HECW2: variants seen among roughly 807,000 people sequenced by gnomAD.
HECW2 encodes the protein E3 ubiquitin-protein ligase HECW2.
Under a neutral mutation model 175.2 loss-of-function variants are expected in HECW2, and 61 were observed. The ratio of observed to expected loss-of-function variants is 0.35; its 90% CI spans 0.28 to 0.43. HECW2 has a LOEUF of 0.43. HECW2 is among the 20% of genes least tolerant of loss of function. The pLI is 1.00. For synonymous variants in HECW2, 671 were observed against 731.0 expected (o/e 0.92, Z 1.32); for missense variants, 1,524 against 2,000.5 (o/e 0.76, Z 4.54).
At chr2:196,221,129 G>A (rs926996996) in intron 24 of HECW2, among the ~76,000 whole-genome samples, 188 bp from the exon 25 acceptor site, 5 of 152,154 alleles carry the variant, frequency 3.3e-5, no homozygotes, top group African/African-American at 1.2e-4. Context: ...GGCATTGAGG[G>A]GGTGCTTGAA....
At chr2:196,592,789 C>T (rs1387847293) in intron 1 of HECW2, 2 of 151,676 alleles carry the variant, frequency 1.3e-5, no homozygotes. Flanking sequence ...TTGCGCCCGT[C>T]GCCACAAGCT....
intron 1 of HECW2, among the ~76,000 whole-genome samples, chr2:196,456,090 G>A (rs1399220838): frequency 6.6e-6 from 1 of 151,978 alleles, no homozygotes; most frequent in Non-Finnish European, 1.5e-5. Context: ...AGATATGAAG[G>A]TCTTTAATAT....
At chr2:196,469,795 T>G (rs149660710) in intron 1 of HECW2, among the ~76,000 whole-genome samples, 69 of 151,646 alleles carry the variant, frequency 4.6e-4, no homozygotes, top group African/African-American at 1.6e-3. Flanking sequence ...GAAGTATATA[T>G]AGTATGAAGA....
intron 14 of HECW2, chr2:196,290,058 T>C (rs1454639202): frequency 6.6e-6 from 1 of 152,212 alleles, no homozygotes; most frequent in Non-Finnish European, 1.5e-5. Context: ...TAATCTGTCT[T>C]GTCCACAAGG....
intron 21 of HECW2, among the ~76,000 whole-genome samples, chr2:196,237,851 C>T (rs779789584): frequency 3.9e-5 from 6 of 152,170 alleles, no homozygotes; most frequent in African/African-American, 7.2e-5. Flanking sequence ...TTTCTTTAAT[C>T]TCTGGCAGAC....
chr2:196,541,101 C>T (rs1689196968), intron 1 of HECW2, among the ~76,000 whole-genome samples: 1 of 152,094 alleles, frequency 6.6e-6, no homozygotes, highest in African/African-American at 2.4e-5. Context: ...ACATTTCCTC[C>T]ATAAGATATG....
chr2:196,347,789 G>GT (rs1332280008), intron 2 of HECW2, among the ~76,000 whole-genome samples: 1 of 152,236 alleles, frequency 6.6e-6, no homozygotes, highest in Non-Finnish European at 1.5e-5. Flanking sequence ...TGCTTGTCAA[G>GT]TAAGAGACCC....
Position 196,318,802 on chromosome 2 carries a change from C to T in HECW2, c.2088G>A (p.Gly696=), listed in dbSNP as rs778346279. The stretch of plus-strand genomic sequence containing the variant: ...CAGCAGTGCACACGGATTCCTGCGA[C>T]CCTTCGGCAGGGCCACTGCTGGTGG... ...AEPTSSGPAE[G]SQESVCTAGS... The change falls in exon 9 of 29, where the codon GGG becomes GGA. Residue 696 remains glycine, a synonymous_variant. Transcript: ENST00000644978. 3.3e-6 allele frequency: 5 copies of T among 1,527,974 alleles called. No homozygotes were observed. Among genetic ancestry groups the T allele is most frequent in the Admixed American group, 2.1e-5 (1 of 47,912 alleles). The allele number at this position is 1,527,974 out of a possible 1,614,324, so 94.7% of individuals were successfully genotyped here.
At chr2:196,415,152 C>A (rs1045568904) in intron 2 of HECW2, among the ~76,000 whole-genome samples, 7 of 152,196 alleles carry the variant, frequency 4.6e-5, no homozygotes, top group Non-Finnish European at 8.8e-5. Context: ...GGGGATTTCT[C>A]TGGGGCCACT....
At chr2:196,253,204 T>C (rs549718577) in intron 19 of HECW2, among the ~76,000 whole-genome samples, 1 of 152,218 alleles carries the variant, frequency 6.6e-6, no homozygotes, top group Admixed American at 6.5e-5. Flanking sequence ...CATATGGAGT[T>C]TGCACTTCTA....
chr2:196,564,709 C>T (rs1690118795), intron 1 of HECW2, among the ~76,000 whole-genome samples: 1 of 151,722 alleles, frequency 6.6e-6, no homozygotes, highest in Admixed American at 6.6e-5. Context: ...TTCTTATTCC[C>T]TCTTAACCTT....
At chr2:196,397,740 T>G (rs1694710098) in intron 2 of HECW2, among the ~76,000 whole-genome samples, 1 of 152,212 alleles carries the variant, frequency 6.6e-6, no homozygotes, top group Non-Finnish European at 1.5e-5. Flanking sequence ...TGGAAGTTGT[T>G]AAATTCTTTA....
At chr2:196,520,590 T>G (rs1404017998) in intron 1 of HECW2, among the ~76,000 whole-genome samples, 1 of 152,228 alleles carries the variant, frequency 6.6e-6, no homozygotes, top group Non-Finnish European at 1.5e-5. Context: ...AAAAGTTGCT[T>G]TCACTGTAAT....
chr2:196,361,966 G>A (rs1192295535), intron 2 of HECW2: 34 of 985,260 alleles, frequency 3.5e-5, no homozygotes, highest in Non-Finnish European at 4.1e-5. Flanking sequence ...TGAAGTCAAG[G>A]CGGGTCTGGA....
intron 17 of HECW2, among the ~76,000 whole-genome samples, chr2:196,268,346 A>G (rs1689593947): frequency 3.9e-5 from 6 of 152,234 alleles, no homozygotes; most frequent in Admixed American, 3.9e-4. Context: ...GCATAAAAAT[A>G]GATTACCATG....
intron 1 of HECW2, among the ~76,000 whole-genome samples, chr2:196,582,678 A>G (rs1291966385): frequency 6.6e-6 from 1 of 152,184 alleles, no homozygotes; most frequent in Non-Finnish European, 1.5e-5. Flanking sequence ...CACCTCATAC[A>G]TTCAGTTGAT....
At position 196,538,313 on chromosome 2, in the gene HECW2, G is replaced by A. The variant is rs77417466; in HGVS notation, c.-36+55195C>T. ...GGAGAGCTTGTTTAAAATTAAGAAC[G>A]CCAGGCCCTGTCCCAAGAGATTCTG... On this transcript the variant is annotated intron_variant, in intron 1 of 28. Transcript: ENST00000644978. Among the ~76,000 whole-genome samples, 661 of 152,220 alleles carry A rather than the reference G, an allele frequency of 4.3e-3. 5 individuals carry two copies. Among genetic ancestry groups the A allele is most frequent in the South Asian group, 0.03 (142 of 4,778 alleles).
Position 196,587,974 on chromosome 2 carries a change from C to A in HECW2, c.-36+5534G>T, listed in dbSNP as rs114043375. On this transcript the variant is annotated intron_variant, in intron 1 of 28. Coordinates refer to ENST00000644978, the MANE Select transcript of HECW2 (RefSeq NM_001348768.2). Reference sequence around the variant, plus strand: ...TCTTTTCTCAGGGCCTTTGCACTGGCCATCCTGCAACTCTATCCCTCAGGT... The same window carrying A: ...TCTTTTCTCAGGGCCTTTGCACTGGACATCCTGCAACTCTATCCCTCAGGT... Among the ~76,000 whole-genome samples the A allele has an allele frequency of 4.6e-3, 701 of 152,278 alleles. 5 individuals are homozygous for A. The highest frequency in any genetic ancestry group is 0.014 in the Middle Eastern group (4 of 294).
rs539120573 is a variant in HECW2 at position 196,236,317 on chromosome 2, C to T, written c.3764+4132G>A. 3.9e-4 allele frequency among the ~76,000 whole-genome samples: 59 copies of T among 152,258 alleles called. 1 individual carries two copies. In the South Asian group the frequency reaches 9.9e-3, roughly 26 times the overall value. ...CAGGGAAACATTTCCTAAATCTCCC[C>T]GAATCCTGACTGCATATTTTCTTTT... On this transcript the variant is annotated intron_variant, in intron 21 of 28. Coordinates refer to ENST00000644978, the MANE Select transcript of HECW2 (RefSeq NM_001348768.2).
Sources: gnomAD v4.1 joint callset for allele counts (sites outside exome capture counted in the v4.1 genomes callset) on GRCh38, gnomAD v4.1.1 for gene constraint, MANE v1.5 for transcripts, NCBI Gene and HGNC (gene_info 2026-07-23, HGNC 2026-07-21) for gene names.